The following MDGA2 variants were observed in gnomAD, a reference collection of about 807,000 sequenced individuals.
MDGA2 encodes MAM domain-containing glycosylphosphatidylinositol anchor protein 2.
A neutral mutation model predicts 117.8 loss-of-function variants in MDGA2; 40 were observed. The observed-to-expected ratio is 0.34, with a 90% CI of 0.26 to 0.44. The LOEUF is 0.44. MDGA2 is among the 20% of genes least tolerant of loss of function. MDGA2 has a pLI of 1.00. For missense variants in MDGA2, 1,123 were observed against 1,250.6 expected, an observed-to-expected ratio of 0.90 and a Z score of 1.54; for synonymous variants, 452 against 439.0, an observed-to-expected ratio of 1.03 and a Z score of -0.37.
At chr14:47,318,109 T>C (rs1889863509) in intron 1 of MDGA2, among the ~76,000 whole-genome samples, 1 of 147,774 alleles carries the variant, frequency 6.8e-6, no homozygotes, top group Non-Finnish European at 1.5e-5. Context: ...CTCCAACCAC[T>C]GCAAAAGCAG....
In MDGA2 at chr14:46,980,061, G is replaced by A. The variant is rs534677584; in HGVS notation, c.1820-22418C>T. On this transcript the variant is annotated intron_variant, in intron 8 of 16. Coordinates refer to ENST00000399232, the MANE Select transcript of MDGA2 (RefSeq NM_001113498.3). ...CTGTAGCTGGTTTAAGTGCATTAGT[G>A]TAAGTGTAAGTCAATGCTCAATTGC... Among the ~76,000 whole-genome samples, 57 of 152,308 alleles carry A rather than the reference G, an allele frequency of 3.7e-4. 1 individual carries two copies. Among genetic ancestry groups the A allele is most frequent in the African/African-American group, 1.3e-3 (55 of 41,566 alleles).
At chr14:47,321,215 C>T (rs916469790) in intron 1 of MDGA2, among the ~76,000 whole-genome samples, 1 of 152,116 alleles carries the variant, frequency 6.6e-6, no homozygotes, top group African/African-American at 2.4e-5. Context: ...TTCTGGGTAA[C>T]CCTATGCATT....
At chr14:47,296,775 A>T (rs1036810448) in intron 2 of MDGA2, among the ~76,000 whole-genome samples, 12 of 152,226 alleles carry the variant, frequency 7.9e-5, no homozygotes, top group Non-Finnish European at 1.8e-4. Context: ...CATATACCCT[A>T]CAAGTATTCA....
rs184869941 is a variant in MDGA2, at chr14:47,675,222, C to T, written c.-426G>A. Reference sequence around the variant, plus strand: ...CCCGCCCGCAGTCCGAAGCCCCCAGCCCTGCTGTCTTGCCTTCCCCCATTC... The same window carrying T: ...CCCGCCCGCAGTCCGAAGCCCCCAGTCCTGCTGTCTTGCCTTCCCCCATTC... On this transcript the variant is annotated 5_prime_UTR_variant, in exon 1 of 17. Transcript: ENST00000399232. 9.9e-5 allele frequency among the ~76,000 whole-genome samples: 15 copies of T among 152,222 alleles called. No individual in the cohort carries two copies. The highest frequency in any genetic ancestry group is 3.6e-4 in the African/African-American group (15 of 41,560).
intron 1 of MDGA2, among the ~76,000 whole-genome samples, chr14:47,322,679 T>C (rs1370188393): frequency 6.6e-6 from 1 of 152,156 alleles, no homozygotes; most frequent in Non-Finnish European, 1.5e-5. Context: ...CTATTTACCA[T>C]GTGTGGATAT....
At chr14:47,455,783 G>A (rs1893337755) in intron 1 of MDGA2, among the ~76,000 whole-genome samples, 2 of 151,978 alleles carry the variant, frequency 1.3e-5, no homozygotes, top group Admixed American at 6.6e-5. Context: ...GACCACCTGA[G>A]GTTAGGAGTT....
At chr14:47,474,413 A>T (rs2138621805) in intron 1 of MDGA2, among the ~76,000 whole-genome samples, 1 of 152,286 alleles carries the variant, frequency 6.6e-6, no homozygotes, top group South Asian at 2.1e-4. Flanking sequence ...TTCCCAAAGC[A>T]ATTTATAGAT....
intron 2 of MDGA2, among the ~76,000 whole-genome samples, chr14:47,267,330 G>C (rs1887999499): frequency 6.6e-6 from 1 of 152,014 alleles, no homozygotes; most frequent in Non-Finnish European, 1.5e-5. Context: ...TAATGACTTG[G>C]AAAGGAAATG....
chr14:47,477,452 T>A (rs1362722162), intron 1 of MDGA2, among the ~76,000 whole-genome samples: 1 of 152,180 alleles, frequency 6.6e-6, no homozygotes, highest in Non-Finnish European at 1.5e-5. Flanking sequence ...TCCCACTTCA[T>A]TAATGTCTCA....
intron 5 of MDGA2, among the ~76,000 whole-genome samples, chr14:47,122,598 G>A (rs922409950): frequency 6.6e-6 from 1 of 152,004 alleles, no homozygotes; most frequent in African/African-American, 2.4e-5. Flanking sequence ...TATCTCCTTT[G>A]TTAGAGCCAG....
intron 8 of MDGA2, among the ~76,000 whole-genome samples, chr14:46,997,355 C>T (rs1345323517): frequency 1.3e-5 from 2 of 152,038 alleles, no homozygotes; most frequent in Non-Finnish European, 2.9e-5. Flanking sequence ...TGCTTCTTGA[C>T]TTTTTTAAGC....
intron 8 of MDGA2, among the ~76,000 whole-genome samples, chr14:46,978,066 G>A (rs1886534790): frequency 6.6e-6 from 1 of 151,280 alleles, no homozygotes; most frequent in South Asian, 2.1e-4. Context: ...TTTTTCTTGA[G>A]GATTAAAGAC....
intron 1 of MDGA2, among the ~76,000 whole-genome samples, chr14:47,538,683 T>C (rs1369184845): frequency 6.6e-6 from 1 of 152,154 alleles, no homozygotes; most frequent in Admixed American, 6.5e-5. Flanking sequence ...TGTGATTGTG[T>C]GTGTATATGT....
At chr14:47,661,465 T>C (rs1232290662) in intron 1 of MDGA2, among the ~76,000 whole-genome samples, 1 of 152,176 alleles carries the variant, frequency 6.6e-6, no homozygotes, top group Admixed American at 6.5e-5. Flanking sequence ...TGAAAGATAA[T>C]CCAAGTTACT....
intron 1 of MDGA2, among the ~76,000 whole-genome samples, chr14:47,555,480 T>C (rs1280267511): frequency 1.3e-5 from 2 of 152,128 alleles, no homozygotes; most frequent in African/African-American, 2.4e-5. Flanking sequence ...GATGATGCCA[T>C]ACTCAGTGTT....
At chr14:47,337,664 G>A (rs1201095196) in intron 1 of MDGA2, among the ~76,000 whole-genome samples, 1 of 151,836 alleles carries the variant, frequency 6.6e-6, no homozygotes, top group Non-Finnish European at 1.5e-5. Context: ...TGATAAAGGA[G>A]GAGAAAGAGA....
chr14:47,190,955 TA>T (rs1885086445), intron 3 of MDGA2, among the ~76,000 whole-genome samples: 1 of 152,158 alleles, frequency 6.6e-6, no homozygotes, highest in Non-Finnish European at 1.5e-5. Flanking sequence ...TTTCTCTATA[TA>T]AGCTCACTTT....
chr14:47,472,025 T>A (rs557565644), intron 1 of MDGA2, among the ~76,000 whole-genome samples: 6 of 152,246 alleles, frequency 3.9e-5, no homozygotes, highest in African/African-American at 1.2e-4. Flanking sequence ...AAAACAATAA[T>A]GTGAACTATG....
At chr14:47,357,972 T>C (rs2138362908) in intron 1 of MDGA2, among the ~76,000 whole-genome samples, 1 of 152,224 alleles carries the variant, frequency 6.6e-6, no homozygotes, top group South Asian at 2.1e-4. Flanking sequence ...TTGTAACCCA[T>C]AGTCCCTGGG....
Sources: gnomAD v4.1 joint callset for allele counts (sites outside exome capture counted in the v4.1 genomes callset) on GRCh38, gnomAD v4.1.1 for gene constraint, MANE v1.5 for transcripts, NCBI Gene and HGNC (gene_info 2026-07-23, HGNC 2026-07-21) for gene names.